CSMD1: variants seen among roughly 807,000 people sequenced by gnomAD.
CSMD1 encodes CUB and sushi domain-containing protein 1.
CSMD1 carries 213 observed loss-of-function variants against 417.5 expected under a neutral mutation model. That is an observed-to-expected ratio of 0.51 (90% CI 0.46 to 0.57). The LOEUF (loss-of-function observed/expected upper bound fraction) is 0.57. Among genes scored for constraint, CSMD1 ranks in the 20% least tolerant of loss-of-function variants. The pLI is 0.00. For synonymous variants in CSMD1, 2,862 were observed against 1,736.8 expected (o/e 1.65, Z -16.11); for missense variants, 6,923 against 4,529.7 (o/e 1.53, Z -15.17).
intron 50 of CSMD1, among the ~76,000 whole-genome samples, chr8:3,050,833 A>G (rs1811772615): frequency 6.6e-6 from 1 of 152,236 alleles, no homozygotes; most frequent in African/African-American, 2.4e-5. Context: ...TAACATGACC[A>G]AAATACTGTA....
chr8:3,651,021 G>C (rs1006975663), intron 7 of CSMD1, among the ~76,000 whole-genome samples: 2 of 152,086 alleles, frequency 1.3e-5, no homozygotes, highest in African/African-American at 4.8e-5. Context: ...AGTCAGCCTT[G>C]ACTCTTTTCA....
chr8:4,054,384 C>G (rs944793135), intron 3 of CSMD1, among the ~76,000 whole-genome samples: 1 of 152,100 alleles, frequency 6.6e-6, no homozygotes, highest in Non-Finnish European at 1.5e-5. Context: ...TAGGGGATGG[C>G]CGCCCGAGCC....
intron 3 of CSMD1, among the ~76,000 whole-genome samples, chr8:4,098,788 A>T (rs1045198455): frequency 6.6e-6 from 1 of 152,168 alleles, no homozygotes; most frequent in African/African-American, 2.4e-5. Flanking sequence ...GTCATTACTA[A>T]TAAGAAGACA....
In CSMD1 at chr8:4,414,369, G is replaced by A. The variant is rs541717954; in HGVS notation, c.415+5584C>T. Among the ~76,000 whole-genome samples, 468 of 152,160 alleles carry A rather than the reference G, an allele frequency of 3.1e-3. 1 individual carries two copies. The highest frequency in any genetic ancestry group is 5.3e-3 in the Non-Finnish European group (360 of 68,012). On this transcript the variant is annotated intron_variant, in intron 3 of 69. Transcript: ENST00000635120. Reference sequence around the variant, plus strand: ...TAGCAGCCCAGATTCACTTTTCTCTGGTGAAAATTCAAGGACTGTATAGAA... The same window carrying A: ...TAGCAGCCCAGATTCACTTTTCTCTAGTGAAAATTCAAGGACTGTATAGAA...
intron 3 of CSMD1, among the ~76,000 whole-genome samples, chr8:4,132,983 C>A (rs971976181): frequency 3.3e-5 from 5 of 152,038 alleles, no homozygotes; most frequent in Non-Finnish European, 7.4e-5. Context: ...ATCCAGGCTG[C>A]AGTGCAGTGG....
Position 4,676,578 on chromosome 8 carries a change from C to T in CSMD1, c.86-39020G>A, listed in dbSNP as rs1805693713. 2.6e-5 allele frequency among the ~76,000 whole-genome samples: 4 copies of T among 152,196 alleles called. No homozygotes were observed. The South Asian group carries it at 8.3e-4, about 32-fold the overall frequency. ...CCAGTTTAGCACAAGCTACCAGCTA[C>T]CACGGCACCCTTTAACGGACTTCTT... is the stretch of plus-strand genomic sequence containing the variant. On this transcript the variant is annotated intron_variant, in intron 1 of 69. Transcript: ENST00000635120.
intron 17 of CSMD1, among the ~76,000 whole-genome samples, chr8:3,394,339 T>A: frequency 6.6e-6 from 1 of 150,442 alleles, no homozygotes. Context: ...TAGAAATTTA[T>A]GAAATGACTT....
At chr8:3,556,406 T>TATATAC (rs1554468298) in intron 10 of CSMD1, among the ~76,000 whole-genome samples, 5 of 140,176 alleles carry the variant, frequency 3.6e-5, no homozygotes, top group African/African-American at 1.4e-4. Context: ...TATATATATA[T>TATATAC]ATATATATTC....
intron 3 of CSMD1, among the ~76,000 whole-genome samples, chr8:4,370,492 G>C (rs1282113439): frequency 6.6e-6 from 1 of 152,122 alleles, no homozygotes; most frequent in East Asian, 1.9e-4. Context: ...CTGTCCTAAT[G>C]GGACTGGAAG....
At chr8:4,642,615 C>G (rs189849582) in intron 1 of CSMD1, among the ~76,000 whole-genome samples, 8 of 152,166 alleles carry the variant, frequency 5.3e-5, no homozygotes, top group Admixed American at 2.0e-4. Context: ...GCTGGGTGGG[C>G]ATTCTCAGAA....
At chr8:4,851,613 G>C (rs1801487932) in intron 1 of CSMD1, among the ~76,000 whole-genome samples, 1 of 151,924 alleles carries the variant, frequency 6.6e-6, no homozygotes, top group Non-Finnish European at 1.5e-5. Context: ...ACTCCATGTG[G>C]GAGTTTCATA....
chr8:3,469,760 C>T (rs919881529), intron 11 of CSMD1, among the ~76,000 whole-genome samples: 38 of 152,170 alleles, frequency 2.5e-4, no homozygotes, highest in Admixed American at 4.6e-4. Flanking sequence ...TACAGAGCAC[C>T]GGATTCTTCA....
intron 6 of CSMD1, among the ~76,000 whole-genome samples, chr8:3,739,649 G>T (rs537014154): frequency 6.6e-6 from 1 of 152,056 alleles, no homozygotes; most frequent in Admixed American, 6.6e-5. Context: ...CAGTTCATAG[G>T]GAAATCTGTT....
intron 10 of CSMD1, among the ~76,000 whole-genome samples, chr8:3,496,470 C>G (rs1053804734): frequency 6.6e-6 from 1 of 152,176 alleles, no homozygotes; most frequent in South Asian, 2.1e-4. Context: ...TATTTGAAAT[C>G]TTTCTACTTT....
rs536939721 is a variant in CSMD1 at position 3,242,070 on chromosome 8, C to G, written c.4154-11839G>C. Among the ~76,000 whole-genome samples the G allele has an allele frequency of 5.4e-4, 64 of 118,412 alleles. 1 individual carries two copies. The highest frequency in any genetic ancestry group is 1.9e-3 in the African/African-American group (63 of 33,010). The allele number at this position is 118,412 out of a possible 152,430, so 77.7% of individuals were successfully genotyped here. On this transcript the variant is annotated intron_variant, in intron 26 of 69. Transcript: ENST00000635120. ...ATTTTTATATTTGATGAAAAAGAGCCTAAACACTATCTGATTTGGGATAAA... is the reference window on the plus strand; with the variant it reads ...ATTTTTATATTTGATGAAAAAGAGCGTAAACACTATCTGATTTGGGATAAA...
chr8:3,930,707 G>T (rs1440515202), intron 5 of CSMD1, among the ~76,000 whole-genome samples: 1 of 150,206 alleles, frequency 6.7e-6, no homozygotes, highest in Non-Finnish European at 1.5e-5. Flanking sequence ...CTGCAGAAAG[G>T]AAAAAAATGG....
At chr8:4,027,648 A>G (rs1797131175) in intron 4 of CSMD1, among the ~76,000 whole-genome samples, 1 of 152,188 alleles carries the variant, frequency 6.6e-6, no homozygotes, top group Non-Finnish European at 1.5e-5. Flanking sequence ...ACCCAGTCTC[A>G]GGTATTTCTT....
chr8:4,143,655 G>A lies in CSMD1; in HGVS notation c.416-111556C>T, dbSNP rs971594373. Among the ~76,000 whole-genome samples the A allele has an allele frequency of 2.5e-4, 38 of 151,110 alleles. 5 individuals are homozygous for A. Among genetic ancestry groups the A allele is most frequent in the African/African-American group, 9.4e-4 (38 of 40,484 alleles). ...ATACCGGAAGGAGAGCATTGACTGT[G>A]AGTTCTCCAGGTTCTTGGCATTTAG... On this transcript the variant is annotated intron_variant, in intron 3 of 69. Transcript: ENST00000635120.
chr8:3,643,792 A>G (rs901743133), intron 7 of CSMD1, among the ~76,000 whole-genome samples: 28 of 151,732 alleles, frequency 1.8e-4, no homozygotes, highest in African/African-American at 6.5e-4. Flanking sequence ...CACCAGTAAT[A>G]CAGAGAAGGG....
Sources: allele counts gnomAD v4.1 joint callset (sites outside exome capture counted in the v4.1 genomes callset), GRCh38; gene constraint gnomAD v4.1.1; transcripts MANE v1.5; gene names NCBI Gene and HGNC (gene_info 2026-07-23, HGNC 2026-07-21).